Variants in COL14A1 observed in about 807,000 individuals in gnomAD.
The protein encoded by COL14A1 is collagen alpha-1(XIV) chain.
A neutral mutation model predicts 230.3 loss-of-function variants in COL14A1; 136 were observed. The observed-to-expected ratio is 0.59, with a 90% CI of 0.51 to 0.68. The LOEUF (loss-of-function observed/expected upper bound fraction) is 0.68. Ranked by LOEUF, COL14A1 falls within the 30% of genes least tolerant of loss-of-function variation. The pLI, the probability that COL14A1 is intolerant of heterozygous loss-of-function variation, is 0.00. For synonymous variants in COL14A1, 792 were observed against 784.1 expected, an observed-to-expected ratio of 1.01 and a Z score of -0.17; for missense variants, 1,976 against 2,215.8, an observed-to-expected ratio of 0.89 and a Z score of 2.17.
intron 5 of COL14A1, among the ~76,000 whole-genome samples, chr8:120,181,822 T>C (rs574381945): frequency 9.3e-4 from 142 of 152,220 alleles, no homozygotes; most frequent in African/African-American, 3.4e-3. Context: ...CATGGTGGCA[T>C]GCACCTGTAG....
At chr8:120,185,240 G>A (rs1008086693) in intron 5 of COL14A1, among the ~76,000 whole-genome samples, 1 of 152,172 alleles carries the variant, frequency 6.6e-6, no homozygotes, top group Non-Finnish European at 1.5e-5. Context: ...TACATGGATG[G>A]CTTCTGATGT....
chr8:120,200,795 AT>A (rs1276285599), intron 8 of COL14A1, among the ~76,000 whole-genome samples: 2 of 129,604 alleles, frequency 1.5e-5, no homozygotes, highest in East Asian at 4.3e-4. Context: ...GTTTCTGATC[AT>A]TTTTTCAGAA....
intron 45 of COL14A1, among the ~76,000 whole-genome samples, chr8:120,348,865 G>T (rs1822638215): frequency 6.6e-6 from 1 of 152,042 alleles, no homozygotes; most frequent in Non-Finnish European, 1.5e-5. Flanking sequence ...TATATAACTG[G>T]GACAAAAGAA....
chr8:120,303,023 G>T (rs1586846030), intron 36 of COL14A1, among the ~76,000 whole-genome samples: 1 of 152,138 alleles, frequency 6.6e-6, no homozygotes, highest in Non-Finnish European at 1.5e-5. Context: ...TTGCATTCTT[G>T]GTTTGGCTCT....
chr8:120,168,081 A>G, intron 4 of COL14A1, 80 bp from the exon 5 acceptor site: 1 of 965,732 alleles, frequency 1.0e-6, no homozygotes, highest in Non-Finnish European at 1.6e-6. Flanking sequence ...TAGGGCTTTC[A>G]AGGGTTTTAG....
chr8:120,168,878 C>G (rs1207831876), intron 5 of COL14A1, among the ~76,000 whole-genome samples: 1 of 151,948 alleles, frequency 6.6e-6, no homozygotes, highest in Non-Finnish European at 1.5e-5. Flanking sequence ...TTTTTTGAGG[C>G]AGGATCTCAC....
chr8:120,371,120 A>C, intron 47 of COL14A1, 32 bp from the exon 48 acceptor site: 2 of 1,539,568 alleles, frequency 1.3e-6, no homozygotes, highest in African/African-American at 1.4e-5. Flanking sequence ...TCCTGGGTGC[A>C]GCAAGTCCCC....
chr8:120,247,590 T>G (rs1243474400), intron 20 of COL14A1, 23 bp from the exon 21 acceptor site: 3 of 1,601,904 alleles, frequency 1.9e-6, no homozygotes, highest in South Asian at 1.1e-5. Flanking sequence ...GAATCCCTGT[T>G]TTTCCTTTTC....
intron 36 of COL14A1, among the ~76,000 whole-genome samples, chr8:120,302,213 T>G (rs189919713): frequency 2.6e-5 from 4 of 152,374 alleles, no homozygotes; most frequent in Admixed American, 2.6e-4. Context: ...ATAGTTACTT[T>G]TGCTGTGCAG....
chr8:120,179,799 A>G (rs189116080), intron 5 of COL14A1, among the ~76,000 whole-genome samples: 232 of 152,354 alleles, frequency 1.5e-3, no homozygotes, highest in African/African-American at 5.4e-3. Flanking sequence ...ACTTCAAACT[A>G]TACTACAAGT....
At chr8:120,313,279 G>A (rs1399864462) in intron 37 of COL14A1, among the ~76,000 whole-genome samples, 2 of 152,196 alleles carry the variant, frequency 1.3e-5, no homozygotes, top group Non-Finnish European at 1.5e-5. Context: ...AGAATCACTT[G>A]AACCTGGGAG....
intron 42 of COL14A1, among the ~76,000 whole-genome samples, chr8:120,337,310 C>T (rs1371936861): frequency 2.0e-5 from 3 of 149,720 alleles, no homozygotes; most frequent in African/African-American, 4.9e-5. Context: ...AGACGAGAAT[C>T]GCTTAAACCC....
At chr8:120,354,675 G>T (rs961433390) in intron 45 of COL14A1, among the ~76,000 whole-genome samples, 6 of 152,080 alleles carry the variant, frequency 3.9e-5, no homozygotes, top group African/African-American at 7.2e-5. Flanking sequence ...ACAGTTTTTA[G>T]CTATCCTCTT....
intron 2 of COL14A1, among the ~76,000 whole-genome samples, chr8:120,149,533 G>T (rs1042061034): frequency 6.6e-6 from 1 of 152,214 alleles, no homozygotes; most frequent in Admixed American, 6.5e-5. Context: ...AACAAAGGGC[G>T]GGCAAGTTGC....
intron 5 of COL14A1, among the ~76,000 whole-genome samples, chr8:120,180,323 T>A (rs2130635877): frequency 6.6e-6 from 1 of 152,368 alleles, no homozygotes; most frequent in African/African-American, 2.4e-5. Flanking sequence ...AAATACTGTT[T>A]TCTTTCTCAG....
chr8:120,299,324 C>G (rs1393339578), intron 35 of COL14A1, among the ~76,000 whole-genome samples: 1 of 151,994 alleles, frequency 6.6e-6, no homozygotes, highest in East Asian at 1.9e-4. Flanking sequence ...AAGGAAGCAA[C>G]TTGTTATTTC....
chr8:120,369,626 A>G (rs2130401636), intron 47 of COL14A1, 141 bp downstream of exon 47: 1 of 816,568 alleles, frequency 1.2e-6, no homozygotes, highest in South Asian at 3.0e-5. Context: ...ACTTCCTTAA[A>G]TTATCCCGAG....
intron 45 of COL14A1, among the ~76,000 whole-genome samples, chr8:120,363,885 T>C (rs769366574): frequency 1.3e-5 from 2 of 152,222 alleles, no homozygotes; most frequent in Non-Finnish European, 2.9e-5. Flanking sequence ...GTGTTATATA[T>C]TATGTGGAAG....
At chr8:120,171,852 G>T (rs1816101946) in intron 5 of COL14A1, among the ~76,000 whole-genome samples, 1 of 151,894 alleles carries the variant, frequency 6.6e-6, no homozygotes, top group Admixed American at 6.6e-5. Context: ...GACAATCTAT[G>T]TCTTTTAATA....
Sources: gnomAD v4.1 joint callset for allele counts (sites outside exome capture counted in the v4.1 genomes callset) on GRCh38, gnomAD v4.1.1 for gene constraint, MANE v1.5 for transcripts, NCBI Gene and HGNC (gene_info 2026-07-23, HGNC 2026-07-21) for gene names.